The following KLHL3 variants were observed in gnomAD, a reference collection of about 807,000 sequenced individuals.
The protein encoded by KLHL3 is kelch-like protein 3.
KLHL3 carries 19 observed loss-of-function variants against 70.5 expected under a neutral mutation model. The observed-to-expected ratio is 0.27, with a 90% CI of 0.19 to 0.40. KLHL3 has a LOEUF of 0.40. Among genes scored for constraint, KLHL3 ranks in the 10% least tolerant of loss-of-function variants. The probability of loss-of-function intolerance (pLI) is 1.00; values close to 1 mark genes in which losing one functional copy is unlikely to be tolerated. For missense variants in KLHL3, 512 were observed against 771.1 expected (o/e 0.66, Z 3.98); for synonymous variants, 258 against 290.3 (o/e 0.89, Z 1.13).
chr5:137,637,910 G>T (rs1437212002), intron 10 of KLHL3, among the ~76,000 whole-genome samples: 3 of 151,980 alleles, frequency 2.0e-5, no homozygotes, highest in African/African-American at 7.2e-5. Flanking sequence ...TTTGATTCTT[G>T]CTACCTGGAA....
chr5:137,643,204 T>C (rs1470894586), intron 8 of KLHL3, among the ~76,000 whole-genome samples: 1 of 151,646 alleles, frequency 6.6e-6, no homozygotes, highest in African/African-American at 2.4e-5. Context: ...TACAAAAAAC[T>C]AGCTGGGTGT....
intron 3 of KLHL3, among the ~76,000 whole-genome samples, chr5:137,704,412 A>T (rs1463169177): frequency 6.6e-6 from 1 of 152,156 alleles, no homozygotes; most frequent in Non-Finnish European, 1.5e-5. Context: ...AAAGATTGGA[A>T]TACAGGTCAT....
intron 6 of KLHL3, among the ~76,000 whole-genome samples, chr5:137,662,256 CA>C (rs1751499482): frequency 6.6e-6 from 1 of 150,774 alleles, no homozygotes; most frequent in Non-Finnish European, 1.5e-5. Context: ...CACACACACA[CA>C]CACACACACA....
Position 137,650,983 on chromosome 5 carries a change from G to A in KLHL3, c.903+7148C>T, listed in dbSNP as rs561352220. On this transcript the variant is annotated intron_variant, in intron 8 of 14. Transcript: ENST00000309755. ...GGATTCATTCAAATTTGGACTTGTA[G>A]GCTTGAATCAAACATTCTAGGGTCA... is the stretch of plus-strand genomic sequence containing the variant. 4.6e-5 allele frequency among the ~76,000 whole-genome samples: 7 copies of A among 152,238 alleles called. No individual in the cohort carries two copies. In the South Asian group the frequency reaches 1.5e-3, roughly 32 times the overall value.
rs776902442 is a variant in KLHL3 at position 137,628,140 on chromosome 5, C to T, written c.1591+157G>A. 50 of 851,844 alleles carry T rather than the reference C, an allele frequency of 5.9e-5. 1 individual carries two copies. Among genetic ancestry groups the T allele is most frequent in the Non-Finnish European group, 8.5e-5 (47 of 550,912 alleles). 52.8% of individuals were successfully genotyped at this position (851,844 alleles called of 1,614,324 possible). ...CTTTTGGGGTCTCAATTTCTCCCCT[C>T]CTCTAATCAAGAGCCCACCTGGCAA... On this transcript the variant is annotated intron_variant, in intron 13 of 14. Transcript: ENST00000309755.
intron 7 of KLHL3, among the ~76,000 whole-genome samples, chr5:137,660,318 T>C (rs779115202): frequency 6.6e-6 from 1 of 152,132 alleles, no homozygotes; most frequent in Non-Finnish European, 1.5e-5. Flanking sequence ...CTAAGGCCAC[T>C]TTAGCTTTCT....
At chr5:137,718,262 C>T (rs1426723663) in intron 2 of KLHL3, among the ~76,000 whole-genome samples, 2 of 152,164 alleles carry the variant, frequency 1.3e-5, no homozygotes, top group Non-Finnish European at 2.9e-5. Context: ...TAAGTCAATG[C>T]TTTTGGGGAA....
chr5:137,732,480 A>T (rs976220628), intron 1 of KLHL3, among the ~76,000 whole-genome samples: 20 of 151,244 alleles, frequency 1.3e-4, no homozygotes, highest in Non-Finnish European at 2.5e-4. Flanking sequence ...ATAAAAAGAA[A>T]GATTAAGGTA....
In KLHL3 at chr5:137,628,728, GACAGACATACAT is replaced by G. The variant is rs1561581622; in HGVS notation, c.1451-303_1451-292del. On this transcript the variant is annotated intron_variant, in intron 12 of 14. Coordinates refer to ENST00000309755, the MANE Select transcript of KLHL3 (RefSeq NM_017415.3). ...ATATATATATACACACACACAGACA[GACAGACATACAT>G]ACATACATACATACATACATACATA... 9.0e-4 allele frequency: 81 copies of G among 89,608 alleles called. 4 individuals are homozygous for G. The highest frequency in any genetic ancestry group is 5.2e-3 in the Middle Eastern group (1 of 194). The allele number at this position is 89,608 out of a possible 1,614,324, so 5.6% of individuals were successfully genotyped here.
intron 5 of KLHL3, among the ~76,000 whole-genome samples, chr5:137,685,527 A>C (rs1303837220): frequency 2.6e-5 from 4 of 152,272 alleles, no homozygotes; most frequent in Non-Finnish European, 4.4e-5. Context: ...GGCTGGGAGA[A>C]GACTGGCTTT....
At position 137,676,109 on chromosome 5, in the gene KLHL3, G is replaced by A. The variant is rs138281863; in HGVS notation, c.636+1436C>T. Among the ~76,000 whole-genome samples, 278 of 152,306 alleles carry A rather than the reference G, an allele frequency of 1.8e-3. 6 individuals are homozygous for A. The Middle Eastern group carries it at 0.027, about 15-fold the overall frequency. On this transcript the variant is annotated intron_variant, in intron 6 of 14. Transcript: ENST00000309755. Reference sequence around the variant, plus strand: ...AGCCAAGGCCTCCCTGAGCCTAAGGGAGAGTCCAGTATATTGTGCCAGTCA... The same window carrying A: ...AGCCAAGGCCTCCCTGAGCCTAAGGAAGAGTCCAGTATATTGTGCCAGTCA...
intron 1 of KLHL3, among the ~76,000 whole-genome samples, chr5:137,735,279 G>A (rs1179383704): frequency 6.6e-6 from 1 of 152,170 alleles, no homozygotes; most frequent in Non-Finnish European, 1.5e-5. Context: ...CCCGGGAAAG[G>A]AGCCAGGAAA....
At chr5:137,727,883 T>C (rs1439865734) in intron 1 of KLHL3, among the ~76,000 whole-genome samples, 7 of 152,192 alleles carry the variant, frequency 4.6e-5, no homozygotes. Context: ...GAGCCCTGAT[T>C]TGTAACATTT....
At chr5:137,635,845 C>A (rs1290793301) in intron 11 of KLHL3, among the ~76,000 whole-genome samples, 1 of 152,140 alleles carries the variant, frequency 6.6e-6, no homozygotes, top group East Asian at 1.9e-4. Context: ...CTCACAAAAG[C>A]CTTTGTCAAG....
chr5:137,701,157 C>T (rs969974441), intron 3 of KLHL3, among the ~76,000 whole-genome samples: 2 of 152,080 alleles, frequency 1.3e-5, no homozygotes, highest in Non-Finnish European at 1.5e-5. Context: ...CTCAGCCTCC[C>T]GAGTAGCTGA....
rs1751758485 is a variant in KLHL3 at position 137,671,523 on chromosome 5, G to A, written c.636+6022C>T. 2.0e-5 allele frequency among the ~76,000 whole-genome samples: 3 copies of A among 152,192 alleles called. 1 individual carries two copies. In the South Asian group the frequency reaches 6.2e-4, roughly 32 times the overall value. ...GTGGGGGTGCATTCATAAAGAGTGGGGCTTGGGAGGCAGACACACACAGCT... is the reference window on the plus strand; with the variant it reads ...GTGGGGGTGCATTCATAAAGAGTGGAGCTTGGGAGGCAGACACACACAGCT... On this transcript the variant is annotated intron_variant, in intron 6 of 14. Transcript: ENST00000309755.
At position 137,622,080 on chromosome 5, in the gene KLHL3, T is replaced by C; in HGVS notation, c.*18A>G. 1 of 1,614,084 alleles carries C rather than the reference T, an allele frequency of 6.2e-7. No homozygotes were observed. Among genetic ancestry groups the C allele is most frequent in the Non-Finnish European group, 8.5e-7 (1 of 1,179,940 alleles). ...AGCACCTGCTCCTTCCTCCACCTCC[T>C]GGCAGTAGGAGTTTGGGTCACAAGG... On this transcript the variant is annotated 3_prime_UTR_variant, in exon 15 of 15. Coordinates refer to ENST00000309755, the MANE Select transcript of KLHL3 (RefSeq NM_017415.3).
chr5:137,666,286 A>G (rs1274383603), intron 6 of KLHL3, among the ~76,000 whole-genome samples: 2 of 152,192 alleles, frequency 1.3e-5, no homozygotes. Context: ...TCAAAGGCAG[A>G]TAGTCTGCCT....
At position 137,625,770 on chromosome 5, in the gene KLHL3, G is replaced by A. The variant is rs781171421; in HGVS notation, c.1718C>T (p.Thr573Met). Residue 573 changes from threonine (T) to methionine (M), a missense_variant, in exon 14 of 15, where the codon ACG becomes ATG. Physicochemically the swap from Thr to Met is moderately conservative, Grantham distance 81 (BLOSUM62 -1). Coordinates refer to ENST00000309755, the MANE Select transcript of KLHL3 (RefSeq NM_017415.3). ...KWTLLPTNMS[T>M]GRSYAGVAVI... The stretch of plus-strand genomic sequence containing the variant: ...ACACTGACCTGCATAGCTCCGCCCC[G>A]TGCTCATGTTCGTTGGAAGCAGCGT... The A allele has an allele frequency of 1.9e-5, 30 of 1,613,998 alleles. No homozygotes were observed. Among genetic ancestry groups the A allele is most frequent in the Middle Eastern group, 1.6e-4 (1 of 6,084 alleles).
Sources: gnomAD v4.1 joint callset for allele counts (sites outside exome capture counted in the v4.1 genomes callset) on GRCh38, gnomAD v4.1.1 for gene constraint, MANE v1.5 for transcripts, NCBI Gene and HGNC (gene_info 2026-07-23, HGNC 2026-07-21) for gene names.